Variants in GCC2 observed in about 807,000 individuals in gnomAD.
GCC2 encodes the protein GRIP and coiled-coil domain-containing protein 2.
Under a neutral mutation model 210.6 loss-of-function variants are expected in GCC2, and 120 were observed. The observed-to-expected ratio is 0.57, with a 90% CI of 0.49 to 0.66. GCC2 has a LOEUF of 0.66. GCC2 is among the 30% of genes least tolerant of loss of function. The probability of loss-of-function intolerance (pLI) is 0.00; values close to 1 mark genes in which losing one functional copy is unlikely to be tolerated. For synonymous variants in GCC2, 703 were observed against 652.7 expected (o/e 1.08, Z -1.17); for missense variants, 1,868 against 1,871.9 (o/e 1.00, Z 0.04).
At chr2:108,458,827 T>C (rs1275996215) in intron 4 of GCC2, among the ~76,000 whole-genome samples, 2 of 152,128 alleles carry the variant, frequency 1.3e-5, no homozygotes, top group Non-Finnish European at 2.9e-5. Flanking sequence ...TTAGCCTAAC[T>C]AGTAGTTTAT....
intron 22 of GCC2, 87 bp from the exon 23 acceptor site, chr2:108,507,473 T>G: frequency 9.0e-7 from 1 of 1,116,372 alleles, no homozygotes; most frequent in Non-Finnish European, 1.3e-6. Context: ...TGTAGAGTGA[T>G]TCTAAAATAT....
Position 108,493,592 on chromosome 2 carries a change from C to T in GCC2, c.4447+802C>T, listed in dbSNP as rs953664291. On this transcript the variant is annotated intron_variant, in intron 19 of 22. Coordinates refer to ENST00000309863, the MANE Select transcript of GCC2 (RefSeq NM_181453.4). ...CAATTAGTTGGAGTTTTAGTTCAGC[C>T]ACACCCAGTATCTTCCATTCTGCTT... is the stretch of plus-strand genomic sequence containing the variant. 26 of 985,426 alleles carry T rather than the reference C, an allele frequency of 2.6e-5. No homozygotes were observed. In the African/African-American group the frequency reaches 4.0e-4, roughly 15 times the overall value. The allele number at this position is 985,426 out of a possible 1,614,324, so 61.0% of individuals were successfully genotyped here. A position where few individuals can be genotyped will look rare whatever the true frequency, so the allele number is the denominator to read the frequency against.
chr2:108,469,878 A>G lies in GCC2; in HGVS notation c.549A>G (p.Leu183=), dbSNP rs1243715943. The G allele has an allele frequency of 1.2e-6, 2 of 1,612,962 alleles. No individual in the cohort carries two copies. Among genetic ancestry groups the G allele is most frequent in the Admixed American group, 1.7e-5 (1 of 59,870 alleles). Residue 183 remains leucine (L), a synonymous_variant, in exon 6 of 23, where the codon CTA becomes CTG. Transcript: ENST00000309863. The stretch of plus-strand genomic sequence containing the variant: ...ACTCTGAAGATAATGTTAAAAAACT[A>G]CAAGAAGAGATTGAGAAAATTAGGC... ...QNNSEDNVKK[L]QEEIEKIRPG...
intron 6 of GCC2, 118 bp from the exon 7 acceptor site, chr2:108,472,709 A>C: frequency 1.5e-6 from 1 of 655,018 alleles, no homozygotes; most frequent in Non-Finnish European, 2.6e-6. Flanking sequence ...TTTCTGTAGG[A>C]ATTCTCTTTG....
chr2:108,484,390 A>G lies in GCC2; in HGVS notation c.3613+79A>G, dbSNP rs377057333. 5.2e-6 allele frequency: 4 copies of G among 773,324 alleles called. No homozygotes were observed. In the African/African-American group the frequency reaches 5.3e-5, roughly 10 times the overall value. 47.9% of individuals were successfully genotyped at this position (773,324 alleles called of 1,614,324 possible). A position where few individuals can be genotyped will look rare whatever the true frequency, so the allele number is the denominator to read the frequency against. ...ATTTGGTGGGGGGCATTACTTGTTT[A>G]TTTCACCAGTCTTTCACTGTCAGTC... On this transcript the variant is annotated intron_variant, in intron 13 of 22. Transcript: ENST00000309863.
intron 9 of GCC2, among the ~76,000 whole-genome samples, chr2:108,476,059 T>C (rs1345591573): frequency 1.1e-5 from 1 of 91,678 alleles, no homozygotes. Flanking sequence ...GCTTGCTTTT[T>C]TTTTTTTTTT....
chr2:108,452,280 G>T, intron 3 of GCC2, 119 bp from the exon 4 acceptor site: 1 of 700,074 alleles, frequency 1.4e-6, no homozygotes, highest in Non-Finnish European at 2.6e-6. Flanking sequence ...ATACTATTCT[G>T]CTTAAATATA....
intron 22 of GCC2, among the ~76,000 whole-genome samples, chr2:108,504,357 A>T (rs1237138535): frequency 2.0e-5 from 3 of 152,122 alleles, no homozygotes; most frequent in Non-Finnish European, 4.4e-5. Flanking sequence ...TAGGGGGTAA[A>T]GTAGGTTACC....
chr2:108,454,691 CT>C (rs1330371229), intron 4 of GCC2, among the ~76,000 whole-genome samples: 1 of 152,146 alleles, frequency 6.6e-6, no homozygotes, highest in Non-Finnish European at 1.5e-5. Flanking sequence ...TTCTTAAATT[CT>C]TTCTCTATGA....
chr2:108,475,596 C>T lies in GCC2; in HGVS notation c.2922C>T (p.Ala974=), dbSNP rs754436218. The T allele has an allele frequency of 1.2e-5, 18 of 1,533,344 alleles. No individual in the cohort carries two copies. In the East Asian group the frequency reaches 2.3e-4, roughly 20 times the overall value. 95.0% of individuals were successfully genotyped at this position (1,533,344 alleles called of 1,614,324 possible). A position where few individuals can be genotyped will look rare whatever the true frequency, so the allele number is the denominator to read the frequency against. ...AAATAAATAAGATAAAATTAGTTGC[C>T]GTAAAGGCAAAGAAAGAACTAGATT... ...EEKINKIKLV[A]VKAKKELDSS... Residue 974 remains alanine, a synonymous_variant, in exon 8 of 23, where the codon GCC becomes GCT. Transcript: ENST00000309863.
chr2:108,507,849 G>A lies in GCC2; in HGVS notation c.*219G>A, dbSNP rs528751208. The A allele has an allele frequency of 1.3e-4, 52 of 405,082 alleles. No individual in the cohort carries two copies. The highest frequency in any genetic ancestry group is 5.8e-4 in the South Asian group (19 of 32,600). The allele number at this position is 405,082 out of a possible 1,614,324, so 25.1% of individuals were successfully genotyped here. On this transcript the variant is annotated 3_prime_UTR_variant, in exon 23 of 23. Transcript: ENST00000309863. ...CAGGCCACAGCCCTCTAACTCATGTGATTTCCCATGCATGCTGCCAGAATA... is the reference window on the plus strand; with the variant it reads ...CAGGCCACAGCCCTCTAACTCATGTAATTTCCCATGCATGCTGCCAGAATA...
In GCC2 at chr2:108,503,590, G is replaced by T. The variant is rs1683036078; in HGVS notation, c.4984+3836G>T. On this transcript the variant is annotated intron_variant, in intron 22 of 22. Coordinates refer to ENST00000309863, the MANE Select transcript of GCC2 (RefSeq NM_181453.4). ...TAATAACCAACACTGCATACATGAGGGATGCCAGAAGAAAGATCTGAGAGC... is the reference window on the plus strand; with the variant it reads ...TAATAACCAACACTGCATACATGAGTGATGCCAGAAGAAAGATCTGAGAGC... Among the ~76,000 whole-genome samples, 4 of 152,082 alleles carry T rather than the reference G, an allele frequency of 2.6e-5. No individual in the cohort carries two copies. The South Asian group carries it at 8.3e-4, about 32-fold the overall frequency.
Position 108,470,284 on chromosome 2 carries a change from C to T in GCC2, c.955C>T (p.Leu319Phe). Reference sequence around the variant, plus strand: ...CCAAGACAATCAGATATGTTCTATTCTCTTGCAAGAAAATACATTTGTAGA... The same window carrying T: ...CCAAGACAATCAGATATGTTCTATTTTCTTGCAAGAAAATACATTTGTAGA... Reference protein sequence around the residue: ...ANQDNQICSILLQENTFVEQV... With the variant: ...ANQDNQICSIFLQENTFVEQV... The change falls in exon 6 of 23, where the codon CTC becomes TTC. Residue 319 changes from leucine to phenylalanine, a missense_variant. By Grantham distance (22) the Leu-to-Phe change is conservative. Around this residue, in one of 3 missense-constraint regions of GCC2, gnomAD observed 1,847 missense variants for 1,765.2 expected, o/e 1.05. Transcript: ENST00000309863. 1 of 1,613,196 alleles carries T rather than the reference C, an allele frequency of 6.2e-7. No homozygotes were observed. The highest frequency in any genetic ancestry group is 8.5e-7 in the Non-Finnish European group (1 of 1,179,640).
At chr2:108,472,740 AACATGATG>A (rs1681302866) in intron 6 of GCC2, 79 bp from the exon 7 acceptor site, 1 of 771,994 alleles carries the variant, frequency 1.3e-6, no homozygotes, top group African/African-American at 1.8e-5. Context: ...TCTTATGCTT[AACATGATG>A]GCCAGTTCAT....
intron 17 of GCC2, among the ~76,000 whole-genome samples, chr2:108,489,267 G>A (rs1004100894): frequency 2.6e-5 from 4 of 152,226 alleles, no homozygotes; most frequent in African/African-American, 7.2e-5. Context: ...TGTAATCCCA[G>A]CACTTTGGGA....
intron 19 of GCC2, chr2:108,493,406 A>G (rs1480236473): frequency 2.0e-5 from 20 of 975,646 alleles, no homozygotes; most frequent in Non-Finnish European, 2.2e-5. Flanking sequence ...TCTTAATTCT[A>G]GTATTCACCA....
intron 2 of GCC2, among the ~76,000 whole-genome samples, chr2:108,450,277 G>A (rs1227074241): frequency 6.6e-6 from 1 of 152,114 alleles, no homozygotes; most frequent in Non-Finnish European, 1.5e-5. Flanking sequence ...TTTCTCAAGT[G>A]GTAAAGCTCA....
intron 4 of GCC2, among the ~76,000 whole-genome samples, chr2:108,466,778 A>T (rs1573362812): frequency 6.6e-6 from 1 of 152,182 alleles, no homozygotes; most frequent in South Asian, 2.1e-4. Flanking sequence ...CGGCCAGCTT[A>T]TGGTTTCTTG....
chr2:108,452,604 T>TA (rs1286208866), intron 4 of GCC2, 138 bp downstream of exon 4: 2 of 638,004 alleles, frequency 3.1e-6, no homozygotes, highest in Non-Finnish European at 2.8e-6. Context: ...TGATTCACTG[T>TA]AAAAAGAGGG....
Sources: allele counts gnomAD v4.1 joint callset (sites outside exome capture counted in the v4.1 genomes callset), GRCh38; gene constraint gnomAD v4.1.1; regional missense constraint gnomAD v4.1.1; transcripts MANE v1.5; gene names NCBI Gene and HGNC (gene_info 2026-07-23, HGNC 2026-07-21).